The following PPM1E variants were observed in gnomAD, a reference collection of about 807,000 sequenced individuals.
PPM1E encodes protein phosphatase 1E.
PPM1E carries 20 observed loss-of-function variants against 65.9 expected under a neutral mutation model. That is an observed-to-expected ratio of 0.30 (90% CI 0.21 to 0.44). PPM1E has a LOEUF of 0.44. PPM1E is among the 20% of genes least tolerant of loss of function. The pLI, the probability that PPM1E is intolerant of heterozygous loss-of-function variation, is 1.00. For synonymous variants in PPM1E, 352 were observed against 374.9 expected (o/e 0.94, Z 0.70); for missense variants, 713 against 953.1 (o/e 0.75, Z 3.32).
At chr17:58,848,351 C>T (rs35277036) in intron 1 of PPM1E, among the ~76,000 whole-genome samples, 45,177 of 151,970 alleles carry the variant, frequency 0.3, 7,165 homozygotes, top group Middle Eastern at 0.48. Context: ...TGTCTTGTGC[C>T]GGCTTTCAAA....
chr17:58,811,372 A>G lies in PPM1E; in HGVS notation c.464+54911A>G, dbSNP rs1346025729. Among the ~76,000 whole-genome samples, 10 of 152,212 alleles carry G rather than the reference A, an allele frequency of 6.6e-5. No homozygotes were observed. In the East Asian group the frequency reaches 1.9e-3, roughly 29 times the overall value. On this transcript the variant is annotated intron_variant, in intron 1 of 6. Coordinates refer to ENST00000308249, the MANE Select transcript of PPM1E (RefSeq NM_014906.5). ...TGAACTAATATATCTGTAATACCAT[A>G]AAATAGGACTCTGCCTTTTAACGCA...
intron 1 of PPM1E, among the ~76,000 whole-genome samples, chr17:58,813,238 A>G (rs2050386562): frequency 6.6e-6 from 1 of 152,148 alleles, no homozygotes. Context: ...ATAAATTTCC[A>G]GCTTGTTTAA....
intron 1 of PPM1E, among the ~76,000 whole-genome samples, chr17:58,908,328 C>A (rs2051582995): frequency 6.6e-6 from 1 of 152,152 alleles, no homozygotes; most frequent in African/African-American, 2.4e-5. Context: ...ATCTGCCCAC[C>A]TTGGCCTCCC....
In PPM1E at chr17:58,980,716, G is replaced by A. The variant is rs756108762; in HGVS notation, c.1953G>A (p.Gly651=). 5.0e-6 allele frequency: 8 copies of A among 1,614,052 alleles called. No homozygotes were observed. The East Asian group carries it at 1.8e-4, about 36-fold the overall frequency. The part of the protein sequence containing the change: ...RMQSLSPVCS[G]LENEQFKSPG... ...AGAGCTTGTCTCCTGTCTGTTCAGG[G>A]TTGGAAAATGAACAGTTCAAATCCC... The change falls in exon 7 of 7, where the codon GGG becomes GGA. Residue 651 remains glycine (G), a synonymous_variant. Coordinates refer to ENST00000308249, the MANE Select transcript of PPM1E (RefSeq NM_014906.5). The surrounding 1 kb of genome is among the most constrained non-coding windows in gnomAD (Gnocchi z 4.7).
At chr17:58,819,074 A>G (rs1048289507) in intron 1 of PPM1E, among the ~76,000 whole-genome samples, 2 of 152,226 alleles carry the variant, frequency 1.3e-5, no homozygotes, top group Non-Finnish European at 2.9e-5. Flanking sequence ...ATCAAATAAG[A>G]TGATGAAATC....
At chr17:58,806,092 A>T (rs1217417395) in intron 1 of PPM1E, among the ~76,000 whole-genome samples, 2 of 151,562 alleles carry the variant, frequency 1.3e-5, no homozygotes, top group Non-Finnish European at 2.9e-5. Flanking sequence ...ACTTAACTTG[A>T]CCAATTTATA....
chr17:58,981,068 T>G lies in PPM1E; in HGVS notation c.*37T>G, dbSNP rs537350759. ...AGTAGGTTAGCTAGCTCTCCCCCAA[T>G]AAAAATACCACTATCAGAGTAGAAA... On this transcript the variant is annotated 3_prime_UTR_variant, in exon 7 of 7. Transcript: ENST00000308249. 1 of 1,386,814 alleles carries G rather than the reference T, an allele frequency of 7.2e-7. No individual in the cohort carries two copies. The highest frequency in any genetic ancestry group is 9.9e-7 in the Non-Finnish European group (1 of 1,011,300). The allele number at this position is 1,386,814 out of a possible 1,614,324, so 85.9% of individuals were successfully genotyped here.
chr17:58,760,933 G>T (rs1210530563), intron 1 of PPM1E, among the ~76,000 whole-genome samples: 1 of 152,160 alleles, frequency 6.6e-6, no homozygotes, highest in Non-Finnish European at 1.5e-5. Context: ...GTCTAAGAGG[G>T]TTGCAGATAT....
chr17:58,795,649 A>G (rs1802456863), intron 1 of PPM1E, among the ~76,000 whole-genome samples: 1 of 152,220 alleles, frequency 6.6e-6, no homozygotes, highest in African/African-American at 2.4e-5. Context: ...GGTTGCAGTG[A>G]ACTATGTTTG....
At chr17:58,942,748 G>T (rs1267167989) in intron 1 of PPM1E, among the ~76,000 whole-genome samples, 1 of 151,762 alleles carries the variant, frequency 6.6e-6, no homozygotes, top group East Asian at 1.9e-4. Flanking sequence ...TGGGTGCAGC[G>T]CATCAGCATG....
intron 1 of PPM1E, among the ~76,000 whole-genome samples, chr17:58,845,299 GTT>G (rs570990703): frequency 1.5e-5 from 2 of 131,880 alleles, no homozygotes; most frequent in African/African-American, 2.8e-5. Flanking sequence ...GTCATGGTTG[GTT>G]TTTTTTTTTT....
chr17:58,798,309 A>G (rs1160864187), intron 1 of PPM1E, among the ~76,000 whole-genome samples: 2 of 145,842 alleles, frequency 1.4e-5, no homozygotes, highest in African/African-American at 5.1e-5. Context: ...GCTTGCTGCA[A>G]CCTCCACCTC....
intron 1 of PPM1E, among the ~76,000 whole-genome samples, chr17:58,812,571 TA>T (rs1279830461): frequency 6.6e-6 from 1 of 152,168 alleles, no homozygotes; most frequent in African/African-American, 2.4e-5. Context: ...TTTATTTATT[TA>T]TTTTTTTGAG....
At chr17:58,921,638 T>G (rs924817612) in intron 1 of PPM1E, among the ~76,000 whole-genome samples, 2 of 151,226 alleles carry the variant, frequency 1.3e-5, no homozygotes, top group Non-Finnish European at 2.9e-5. Flanking sequence ...CACTCCAGGC[T>G]TGGGTGACAG....
intron 1 of PPM1E, among the ~76,000 whole-genome samples, chr17:58,903,509 T>C (rs2051521268): frequency 6.6e-6 from 1 of 152,190 alleles, no homozygotes. Context: ...AGTCTGTAAC[T>C]CAGATCTTCT....
At chr17:58,856,156 A>AT (rs1043366729) in intron 1 of PPM1E, among the ~76,000 whole-genome samples, 14 of 152,054 alleles carry the variant, frequency 9.2e-5, no homozygotes, top group Middle Eastern at 3.4e-3. Flanking sequence ...TAATTGTGAA[A>AT]TTTTTTTTGT....
Position 58,979,976 on chromosome 17 carries a change from G to A in PPM1E, c.1213G>A (p.Asp405Asn). 6.2e-7 allele frequency: 1 copy of A among 1,609,004 alleles called. No individual in the cohort carries two copies. Among genetic ancestry groups the A allele is most frequent in the Non-Finnish European group, 8.5e-7 (1 of 1,176,344 alleles). Residue 405 changes from aspartate to asparagine, a missense_variant and splice_region_variant, in exon 7 of 7, where the codon GAT (aspartate) becomes AAT (asparagine). Transcript: ENST00000308249. The part of the protein sequence containing the change: ...GSLSVSRAIG[D>N]AEHKPYICGD... ...CCCCTACACTCTGCTTCCCGCAGGA[G>A]ATGCTGAACATAAGCCATATATCTG...
chr17:58,970,962 ATG>A (rs758144852), intron 4 of PPM1E, among the ~76,000 whole-genome samples: 68 of 151,670 alleles, frequency 4.5e-4, no homozygotes, highest in Admixed American at 1.6e-3. Flanking sequence ...TCTCAAAATT[ATG>A]TGTTGTTGTT....
intron 1 of PPM1E, among the ~76,000 whole-genome samples, chr17:58,915,411 C>G (rs2051673139): frequency 6.6e-6 from 1 of 152,132 alleles, no homozygotes; most frequent in Non-Finnish European, 1.5e-5. Context: ...GTTTTAGCCA[C>G]CTTCTTTACT....
Sources: allele counts gnomAD v4.1 joint callset (sites outside exome capture counted in the v4.1 genomes callset), GRCh38; gene constraint gnomAD v4.1.1; non-coding constraint Gnocchi (gnomAD v3.1); transcripts MANE v1.5; gene names NCBI Gene and HGNC (gene_info 2026-07-23, HGNC 2026-07-21).